Variants in PLCL2 observed in about 807,000 individuals in gnomAD.
The protein encoded by PLCL2 is phospholipase C like 2.
Under a neutral mutation model 79.6 loss-of-function variants are expected in PLCL2, and 4 were observed. The ratio of observed to expected loss-of-function variants is 0.05; its 90% CI spans 0.02 to 0.11. PLCL2 has a LOEUF of 0.11. Ranked by LOEUF, PLCL2 falls within the 10% of genes least tolerant of loss-of-function variation. The pLI is 1.00. For synonymous variants in PLCL2, 484 were observed against 457.7 expected, an observed-to-expected ratio of 1.06 and a Z score of -0.73; for missense variants, 895 against 1,291.0, an observed-to-expected ratio of 0.69 and a Z score of 4.70.
At chr3:16,894,247 G>A (rs1267995121) in intron 1 of PLCL2, among the ~76,000 whole-genome samples, 1 of 151,986 alleles carries the variant, frequency 6.6e-6, no homozygotes, top group Non-Finnish European at 1.5e-5. Flanking sequence ...ATCAATCCAT[G>A]CTAATATATT....
In PLCL2 at chr3:16,955,966, A is replaced by G. The variant is rs777144256; in HGVS notation, c.328-53708A>G. 9.3e-3 allele frequency among the ~76,000 whole-genome samples: 1,414 copies of G among 152,322 alleles called. 14 individuals carry two copies. Among genetic ancestry groups the G allele is most frequent in the Admixed American group, 0.015 (227 of 15,288 alleles). On this transcript the variant is annotated intron_variant, in intron 1 of 5. Transcript: ENST00000615277. ...GGTTTTCGAGATATACAATCATGTC[A>G]TCTGCAAACAGGGACAATTTGACTT...
intron 4 of PLCL2, among the ~76,000 whole-genome samples, chr3:17,052,259 G>GA (rs777737236): frequency 6.7e-6 from 1 of 149,168 alleles, no homozygotes; most frequent in South Asian, 2.2e-4. Flanking sequence ...AAAAATTGGG[G>GA]GGGGGTGAAG....
chr3:16,911,218 A>G (rs1182018190), intron 1 of PLCL2, among the ~76,000 whole-genome samples: 1 of 146,108 alleles, frequency 6.8e-6, no homozygotes. Flanking sequence ...GCGCCACTGT[A>G]TTCCAGCCTG....
intron 3 of PLCL2, among the ~76,000 whole-genome samples, chr3:17,040,786 GCCGCTACACCACTC>G (rs2064711634): frequency 6.6e-6 from 1 of 152,182 alleles, no homozygotes; most frequent in Admixed American, 6.5e-5. Flanking sequence ...TGCTGTTTCT[GCCGCTACACCACTC>G]CCAAGATGAG....
intron 4 of PLCL2, among the ~76,000 whole-genome samples, chr3:17,044,380 CT>C (rs958882891): frequency 6.6e-6 from 1 of 152,182 alleles, no homozygotes; most frequent in African/African-American, 2.4e-5. Context: ...CCAATCTGTA[CT>C]TTCTTCTTTT....
intron 1 of PLCL2, among the ~76,000 whole-genome samples, chr3:16,994,225 A>G (rs913006845): frequency 1.2e-4 from 18 of 152,330 alleles, no homozygotes; most frequent in African/African-American, 4.3e-4. Flanking sequence ...GATTCAGGAA[A>G]ATGGCAGAAC....
intron 1 of PLCL2, among the ~76,000 whole-genome samples, chr3:17,008,936 GC>G (rs1427723052): frequency 6.6e-6 from 1 of 151,732 alleles, no homozygotes; most frequent in Non-Finnish European, 1.5e-5. Context: ...TCCCATCTCA[GC>G]CCCCTGAATA....
chr3:17,049,169 C>CTA (rs1169356262), intron 4 of PLCL2, among the ~76,000 whole-genome samples: 1 of 151,854 alleles, frequency 6.6e-6, no homozygotes, highest in African/African-American at 2.4e-5. Flanking sequence ...AAAGGCACAC[C>CTA]TATAGACTAA....
At chr3:17,053,857 G>A (rs1445038006) in intron 4 of PLCL2, among the ~76,000 whole-genome samples, 1 of 152,174 alleles carries the variant, frequency 6.6e-6, no homozygotes, top group Non-Finnish European at 1.5e-5. Flanking sequence ...GATAGGAGGG[G>A]CTGTCAGGAA....
intron 3 of PLCL2, among the ~76,000 whole-genome samples, chr3:17,034,187 A>G (rs2064616800): frequency 6.6e-6 from 1 of 152,134 alleles, no homozygotes; most frequent in Non-Finnish European, 1.5e-5. Context: ...CATAGCAAAG[A>G]TGTGAGCTTC....
intron 2 of PLCL2, among the ~76,000 whole-genome samples, 171 bp from the exon 3 acceptor site, chr3:17,014,537 A>G (rs745672002): frequency 2.6e-5 from 4 of 152,220 alleles, no homozygotes; most frequent in South Asian, 2.1e-4. Context: ...TTTACTTTGG[A>G]TGACAGCCAT....
chr3:16,949,981 T>A (rs2063635747), intron 1 of PLCL2, among the ~76,000 whole-genome samples: 1 of 152,236 alleles, frequency 6.6e-6, no homozygotes, highest in African/African-American at 2.4e-5. Context: ...GTCTCTGGAA[T>A]ATGCATTTTG....
intron 5 of PLCL2, among the ~76,000 whole-genome samples, chr3:17,074,891 C>G (rs982593622): frequency 2.7e-4 from 41 of 152,322 alleles, no homozygotes; most frequent in African/African-American, 9.1e-4. Context: ...CTTAAGAGAA[C>G]ATTGTGGCTG....
chr3:17,051,886 C>T (rs527248181), intron 4 of PLCL2, among the ~76,000 whole-genome samples: 10 of 152,204 alleles, frequency 6.6e-5, no homozygotes, highest in African/African-American at 2.4e-4. Flanking sequence ...TCACCCAGAA[C>T]CCCATGAGTT....
At chr3:16,984,794 T>C (rs557221855) in intron 1 of PLCL2, among the ~76,000 whole-genome samples, 1 of 152,082 alleles carries the variant, frequency 6.6e-6, no homozygotes, top group South Asian at 2.1e-4. Flanking sequence ...TAGCCAGGTG[T>C]GGTGGCGGGC....
intron 1 of PLCL2, among the ~76,000 whole-genome samples, chr3:16,918,602 A>C (rs935650010): frequency 6.6e-6 from 1 of 152,170 alleles, no homozygotes; most frequent in Non-Finnish European, 1.5e-5. Context: ...CAATAGCTTC[A>C]TATTACCGTA....
At chr3:17,056,088 C>T (rs2064889493) in intron 4 of PLCL2, among the ~76,000 whole-genome samples, 1 of 152,118 alleles carries the variant, frequency 6.6e-6, no homozygotes, top group African/African-American at 2.4e-5. Flanking sequence ...GAAAGCATCC[C>T]CTTGTATTTA....
chr3:17,059,939 C>T (rs1322511779), intron 4 of PLCL2, among the ~76,000 whole-genome samples: 1 of 152,092 alleles, frequency 6.6e-6, no homozygotes, highest in Non-Finnish European at 1.5e-5. Flanking sequence ...GTAATCATGC[C>T]AAACTGTGGG....
chr3:16,986,669 C>A (rs968374381), intron 1 of PLCL2, among the ~76,000 whole-genome samples: 2 of 152,092 alleles, frequency 1.3e-5, no homozygotes, highest in Admixed American at 1.3e-4. Context: ...TCCCAAAGTG[C>A]TGGGATTACA....
Sources: gnomAD v4.1 joint callset for allele counts (sites outside exome capture counted in the v4.1 genomes callset) on GRCh38, gnomAD v4.1.1 for gene constraint, MANE v1.5 for transcripts, NCBI Gene and HGNC (gene_info 2026-07-23, HGNC 2026-07-21) for gene names.